The following SKIC3 variants were observed in gnomAD, a reference collection of about 807,000 sequenced individuals.
The protein encoded by SKIC3 is superkiller complex protein 3.
the SKIC3 span, chr5:95,523,835 CT>C: frequency 6.2e-7 from 1 of 1,612,400 alleles, no homozygotes; most frequent in African/African-American, 1.3e-5. Flanking sequence ...GTCTTGCAGC[CT>C]TTGAAATAAA....
chr5:95,516,097 G>C, the SKIC3 span, among the ~76,000 whole-genome samples: 9 of 152,164 alleles, frequency 5.9e-5, no homozygotes, highest in African/African-American at 2.2e-4. Flanking sequence ...GAATCAAACT[G>C]TTTTAATCTC....
the SKIC3 span, among the ~76,000 whole-genome samples, chr5:95,525,916 C>G: frequency 6.6e-6 from 1 of 152,096 alleles, no homozygotes; most frequent in Non-Finnish European, 1.5e-5. Context: ...CATCATCCAG[C>G]TACAAAACCA....
At chr5:95,512,784 C>T in the SKIC3 span, 8 of 701,108 alleles carry the variant, frequency 1.1e-5, no homozygotes, top group Non-Finnish European at 1.9e-5. Flanking sequence ...TGATAAAACA[C>T]AGCGAAGAAC....
chr5:95,499,419 C>G, the SKIC3 span, among the ~76,000 whole-genome samples: 2 of 152,118 alleles, frequency 1.3e-5, no homozygotes, highest in Non-Finnish European at 2.9e-5. Context: ...TTCCTGAGGC[C>G]GCCCCAGAAG....
the SKIC3 span, chr5:95,530,075 C>T: frequency 6.2e-7 from 1 of 1,611,986 alleles, no homozygotes; most frequent in Non-Finnish European, 8.5e-7. Context: ...ACATGCCATA[C>T]ACTGTACATT....
chr5:95,504,240 G>A, the SKIC3 span, among the ~76,000 whole-genome samples: 573 of 152,222 alleles, frequency 3.8e-3, 4 homozygotes, highest in South Asian at 7.1e-3. Context: ...GGAGGCTGAG[G>A]CAGGAGAATT....
the SKIC3 span, among the ~76,000 whole-genome samples, chr5:95,468,274 T>C: frequency 6.6e-6 from 1 of 152,146 alleles, no homozygotes. Flanking sequence ...AAGTAAATTA[T>C]TCCAAGTTAT....
the SKIC3 span, among the ~76,000 whole-genome samples, chr5:95,548,282 A>G: frequency 6.6e-6 from 1 of 152,074 alleles, no homozygotes; most frequent in African/African-American, 2.4e-5. Context: ...AATCACTGAC[A>G]TGGTACACTG....
the SKIC3 span, chr5:95,522,141 G>A: frequency 8.1e-6 from 13 of 1,613,844 alleles, no homozygotes; most frequent in Non-Finnish European, 1.1e-5. Flanking sequence ...AGGATTTGCT[G>A]TATTGCTGCA....
At chr5:95,544,400 T>C in the SKIC3 span, among the ~76,000 whole-genome samples, 1 of 152,206 alleles carries the variant, frequency 6.6e-6, no homozygotes, top group Non-Finnish European at 1.5e-5. Flanking sequence ...GCTTCTCTAG[T>C]ACCAGTGAGC....
the SKIC3 span, chr5:95,482,460 G>C: frequency 2.5e-6 from 4 of 1,613,462 alleles, no homozygotes; most frequent in Non-Finnish European, 3.4e-6. Flanking sequence ...AAGTAAGAAA[G>C]GAGAAAACTT....
At chr5:95,529,975 A>AT in the SKIC3 span, 9 of 1,337,540 alleles carry the variant, frequency 6.7e-6, no homozygotes, top group South Asian at 1.3e-5. Flanking sequence ...ATGCAGGTAC[A>AT]TTTTTTCCCT....
the SKIC3 span, among the ~76,000 whole-genome samples, chr5:95,540,394 A>G: frequency 6.6e-6 from 1 of 151,972 alleles, no homozygotes; most frequent in African/African-American, 2.4e-5. Context: ...CTCACAAATC[A>G]CTACTAAAGA....
the SKIC3 span, among the ~76,000 whole-genome samples, chr5:95,481,434 G>GT: frequency 6.6e-6 from 1 of 152,128 alleles, no homozygotes; most frequent in African/African-American, 2.4e-5. Flanking sequence ...ACAGAGAACT[G>GT]TAAGTCCATT....
At chr5:95,551,634 C>T in the SKIC3 span, among the ~76,000 whole-genome samples, 1 of 152,208 alleles carries the variant, frequency 6.6e-6, no homozygotes, top group Non-Finnish European at 1.5e-5. Context: ...AGTTTTATCA[C>T]TCAGTCACTT....
chr5:95,516,846 C>T, the SKIC3 span: 2 of 1,561,438 alleles, frequency 1.3e-6, no homozygotes, highest in Admixed American at 3.7e-5. Context: ...CTATTTACTT[C>T]ATCCAAAACA....
chr5:95,536,695 A>C, the SKIC3 span: 1 of 819,900 alleles, frequency 1.2e-6, no homozygotes, highest in South Asian at 1.4e-5. Flanking sequence ...ACTTCTTTTT[A>C]TGTCCAGAAA....
chr5:95,489,001 C>T, the SKIC3 span, among the ~76,000 whole-genome samples: 1 of 152,170 alleles, frequency 6.6e-6, no homozygotes, highest in Admixed American at 6.5e-5. Flanking sequence ...ATGCTGCATA[C>T]AAGAAACTAG....
At chr5:95,543,805 G>A in the SKIC3 span, among the ~76,000 whole-genome samples, 8 of 152,130 alleles carry the variant, frequency 5.3e-5, no homozygotes, top group African/African-American at 7.2e-5. Flanking sequence ...ACCCCAGTGC[G>A]ATTATACCAA....
Sources: allele counts gnomAD v4.1 joint callset (sites outside exome capture counted in the v4.1 genomes callset), GRCh38; gene constraint gnomAD v4.1.1; transcripts MANE v1.5; gene names NCBI Gene and HGNC (gene_info 2026-07-23, HGNC 2026-07-21).